Variants in NCOA2 observed in about 807,000 individuals in gnomAD.
NCOA2 encodes class E basic helix-loop-helix protein 75.
A neutral mutation model predicts 145.1 loss-of-function variants in NCOA2; 21 were observed. The observed-to-expected ratio is 0.14, with a 90% CI of 0.10 to 0.21. NCOA2 has a LOEUF of 0.21. Ranked by LOEUF, NCOA2 falls within the 10% of genes least tolerant of loss-of-function variation. The pLI is 1.00. For missense variants in NCOA2, 1,472 were observed against 1,837.6 expected (o/e 0.80, Z 3.64); for synonymous variants, 619 against 637.5 (o/e 0.97, Z 0.44).
At chr8:70,257,583 G>A (rs1333506260) in intron 2 of NCOA2, among the ~76,000 whole-genome samples, 3 of 152,146 alleles carry the variant, frequency 2.0e-5, no homozygotes, top group Non-Finnish European at 4.4e-5. Flanking sequence ...TGGGGCCGTC[G>A]GGGCCTCCCC....
chr8:70,164,158 G>T (rs544908375), intron 7 of NCOA2, among the ~76,000 whole-genome samples: 2 of 152,344 alleles, frequency 1.3e-5, no homozygotes, highest in Non-Finnish European at 2.9e-5. Flanking sequence ...GCGTGCACCA[G>T]AACAGCTGCA....
At chr8:70,178,455 A>G (rs946317409) in intron 4 of NCOA2, among the ~76,000 whole-genome samples, 1 of 152,236 alleles carries the variant, frequency 6.6e-6, no homozygotes, top group East Asian at 1.9e-4. Context: ...AGAAAGCAGT[A>G]GCTAACACCA....
chr8:70,144,505 G>A (rs1057035183), intron 13 of NCOA2, 137 bp downstream of exon 13: 1 of 722,000 alleles, frequency 1.4e-6, no homozygotes, highest in Non-Finnish European at 2.3e-6. Flanking sequence ...GTGAAAATCT[G>A]TAGAATTTTC....
chr8:70,363,083 A>ACAAAAC (rs1218161970), intron 1 of NCOA2, among the ~76,000 whole-genome samples: 1 of 146,776 alleles, frequency 6.8e-6, no homozygotes, highest in East Asian at 2.0e-4. Context: ...TGTCTTTAAA[A>ACAAAAC]AAAAAAAAAA....
In NCOA2 at chr8:70,124,024, T is replaced by C. The variant is rs772557138; in HGVS notation, c.4153A>G (p.Ser1385Gly). 8 of 1,613,934 alleles carry C rather than the reference T, an allele frequency of 5.0e-6. No individual in the cohort carries two copies. In the South Asian group the frequency reaches 8.8e-5, roughly 18 times the overall value. Residue 1385 changes from serine to glycine, a missense_variant, in exon 21 of 23, where the codon AGT (serine) becomes GGT (glycine). This residue lies in a region of NCOA2 where 232 missense variants were observed against 290.6 expected (regional missense o/e 0.80). Transcript: ENST00000452400. ...GACACATTGATGTTCATGTTGTTAC[T>C]GTACATGCTGGTGTTTGCTTGCTGC... The part of the protein sequence containing the change: ...FGQQANTSMY[S>G]NNMNINVSMA...
intron 1 of NCOA2, among the ~76,000 whole-genome samples, chr8:70,395,681 T>C (rs1448342785): frequency 6.6e-6 from 1 of 152,230 alleles, no homozygotes; most frequent in African/African-American, 2.4e-5. Flanking sequence ...AATTGTTTCA[T>C]ATTTAAATCA....
At chr8:70,303,267 G>C (rs1219499151) in intron 1 of NCOA2, among the ~76,000 whole-genome samples, 1 of 152,118 alleles carries the variant, frequency 6.6e-6, no homozygotes, top group Non-Finnish European at 1.5e-5. Flanking sequence ...TAAGTCTTGA[G>C]GAACTTCTAC....
intron 2 of NCOA2, among the ~76,000 whole-genome samples, chr8:70,252,336 A>C (rs565419423): frequency 1.6e-4 from 24 of 152,302 alleles, no homozygotes; most frequent in African/African-American, 5.8e-4. Context: ...GCATTTTGGG[A>C]GGCTGAGGTC....
chr8:70,241,724 G>C (rs1393955354), intron 2 of NCOA2, among the ~76,000 whole-genome samples: 1 of 152,140 alleles, frequency 6.6e-6, no homozygotes, highest in Non-Finnish European at 1.5e-5. Flanking sequence ...AGCTGTGTGA[G>C]CTTGGACCAG....
chr8:70,445,754 C>T, the NCOA2 span, among the ~76,000 whole-genome samples: 4 of 152,164 alleles, frequency 2.6e-5, no homozygotes, highest in Non-Finnish European at 4.4e-5. Context: ...CACTGGAAGA[C>T]TTTTGTGTTT....
At chr8:70,351,364 G>T (rs1382004540) in intron 1 of NCOA2, among the ~76,000 whole-genome samples, 1 of 152,078 alleles carries the variant, frequency 6.6e-6, no homozygotes, top group Non-Finnish European at 1.5e-5. Context: ...TCAACTGATT[G>T]TACTTGTTTG....
rs761611081 is a variant in NCOA2 at position 70,123,927 on chromosome 8, G to A, written c.4250C>T (p.Thr1417Ile). The change falls in exon 21 of 23, where the codon ACC becomes ATC. Residue 1417 changes from threonine to isoleucine, a missense_variant. Thr to Ile is a moderately conservative substitution (Grantham distance 89, BLOSUM62 -1). Around this residue, in one of 4 missense-constraint regions of NCOA2, gnomAD observed 232 missense variants for 290.6 expected, o/e 0.80. Transcript: ENST00000452400. ...GGACAGCCCTGACGTAGGCACGGAGGTCACTGAGGTCATGCTGATCTGTCC... is the reference window on the plus strand; with the variant it reads ...GGACAGCCCTGACGTAGGCACGGAGATCACTGAGGTCATGCTGATCTGTCC... ...MTGQISMTSV[T>I]SVPTSGLSSM... is the part of the protein sequence containing the mutation. 6.8e-6 allele frequency: 11 copies of A among 1,613,734 alleles called. No individual in the cohort carries two copies. The highest frequency in any genetic ancestry group is 9.3e-6 in the Non-Finnish European group (11 of 1,179,840).
At chr8:70,199,748 G>A (rs1348028405) in intron 4 of NCOA2, among the ~76,000 whole-genome samples, 1 of 152,132 alleles carries the variant, frequency 6.6e-6, no homozygotes, top group East Asian at 1.9e-4. Context: ...TTGGTCCCAG[G>A]CCACATCCTG....
intron 2 of NCOA2, among the ~76,000 whole-genome samples, chr8:70,268,536 T>C (rs1409715876): frequency 6.6e-6 from 1 of 152,226 alleles, no homozygotes; most frequent in Non-Finnish European, 1.5e-5. Flanking sequence ...ACCTTTTCTA[T>C]ACCATAACAT....
At chr8:70,409,773 G>A in the NCOA2 span, among the ~76,000 whole-genome samples, 1 of 152,182 alleles carries the variant, frequency 6.6e-6, no homozygotes, top group Non-Finnish European at 1.5e-5. Context: ...GGGAGGCTGA[G>A]GCAGAAGGAT....
chr8:70,359,455 A>G (rs945711976), intron 1 of NCOA2, among the ~76,000 whole-genome samples: 17 of 152,226 alleles, frequency 1.1e-4, no homozygotes, highest in Non-Finnish European at 2.1e-4. Context: ...GTGCTAAGAA[A>G]AAGAAACAAG....
chr8:70,384,020 T>C (rs1286967797), intron 1 of NCOA2, among the ~76,000 whole-genome samples: 1 of 152,178 alleles, frequency 6.6e-6, no homozygotes, highest in Non-Finnish European at 1.5e-5. Flanking sequence ...GTGTACTCCA[T>C]TTGTGTATAA....
chr8:70,166,842 A>T, intron 6 of NCOA2, 88 bp from the exon 7 acceptor site: 2 of 1,223,534 alleles, frequency 1.6e-6, no homozygotes, highest in Non-Finnish European at 2.3e-6. Context: ...TAGGAAAAAT[A>T]TGATTATTTC....
intron 4 of NCOA2, among the ~76,000 whole-genome samples, chr8:70,194,442 C>T (rs1002692900): frequency 6.6e-6 from 1 of 152,122 alleles, no homozygotes; most frequent in South Asian, 2.1e-4. Flanking sequence ...GGAGAGAACA[C>T]CTTAACAAGG....
Sources: allele counts gnomAD v4.1 joint callset (sites outside exome capture counted in the v4.1 genomes callset), GRCh38; gene constraint gnomAD v4.1.1; regional missense constraint gnomAD v4.1.1; transcripts MANE v1.5; gene names NCBI Gene and HGNC (gene_info 2026-07-23, HGNC 2026-07-21).